The following DIP2C variants were observed in gnomAD, a reference collection of about 807,000 sequenced individuals.
DIP2C encodes disco-interacting protein 2 homolog C.
A neutral mutation model predicts 192.4 loss-of-function variants in DIP2C; 33 were observed. The observed-to-expected ratio is 0.17, with a 90% CI of 0.13 to 0.23. The LOEUF (loss-of-function observed/expected upper bound fraction) is 0.23. Ranked by LOEUF, DIP2C falls within the 10% of genes least tolerant of loss-of-function variation. The pLI is 1.00. For missense variants in DIP2C, 1,537 were observed against 2,110.1 expected, an observed-to-expected ratio of 0.73 and a Z score of 5.32; for synonymous variants, 979 against 864.1, an observed-to-expected ratio of 1.13 and a Z score of -2.33.
At chr10:483,328 A>G (rs1843747018) in intron 2 of DIP2C, among the ~76,000 whole-genome samples, 2 of 152,266 alleles carry the variant, frequency 1.3e-5, no homozygotes, top group African/African-American at 4.8e-5. Context: ...GATCCTGCAC[A>G]AAGGAAGTCA....
At chr10:542,200 C>T (rs1204271108) in intron 1 of DIP2C, among the ~76,000 whole-genome samples, 5 of 152,228 alleles carry the variant, frequency 3.3e-5, no homozygotes, top group African/African-American at 1.2e-4. Context: ...TGAGCTCCTT[C>T]TGCTCCCTGC....
At chr10:454,734 T>C (rs1480515111) in intron 3 of DIP2C, among the ~76,000 whole-genome samples, 2 of 151,598 alleles carry the variant, frequency 1.3e-5, no homozygotes, top group Non-Finnish European at 2.9e-5. Context: ...GAGAAAGAGG[T>C]AGTATACAAA....
Position 581,449 on chromosome 10 carries a change from T to TCTAA in DIP2C, c.86-94920_86-94919insTTAG, listed in dbSNP as rs1263954448. Among the ~76,000 whole-genome samples, 92 of 152,222 alleles carry TCTAA rather than the reference T, an allele frequency of 6.0e-4. No homozygotes were observed. In the East Asian group the frequency reaches 0.013, roughly 21 times the overall value. On this transcript the variant is annotated intron_variant, in intron 1 of 36. Coordinates refer to ENST00000280886, the MANE Select transcript of DIP2C (RefSeq NM_014974.3). ...AGCTGTCAAAGGTGCTAATCAAAAA[T>TCTAA]GTACTTAGAGGTTTTTTTTAAAGTT...
At chr10:588,669 G>T (rs1356914985) in intron 1 of DIP2C, among the ~76,000 whole-genome samples, 1 of 152,236 alleles carries the variant, frequency 6.6e-6, no homozygotes, top group Non-Finnish European at 1.5e-5. Context: ...CTGCTGTGCT[G>T]ACAGTCGTGA....
At chr10:446,671 C>T (rs1013697563) in intron 3 of DIP2C, among the ~76,000 whole-genome samples, 12 of 152,308 alleles carry the variant, frequency 7.9e-5, no homozygotes, top group Admixed American at 3.9e-4. Flanking sequence ...GGGCAGAGCG[C>T]CCCGGCTGCC....
At chr10:488,490 C>G (rs1328335988) in intron 1 of DIP2C, among the ~76,000 whole-genome samples, 1 of 152,202 alleles carries the variant, frequency 6.6e-6, no homozygotes, top group East Asian at 1.9e-4. Context: ...CTCTGTCCAG[C>G]TCCAAAACCA....
At chr10:333,712 T>C (rs894158302) in intron 29 of DIP2C, among the ~76,000 whole-genome samples, 1 of 152,242 alleles carries the variant, frequency 6.6e-6, no homozygotes, top group African/African-American at 2.4e-5. Flanking sequence ...CTTCCCCATT[T>C]TACATTCCCA....
intron 31 of DIP2C, among the ~76,000 whole-genome samples, chr10:313,135 T>C (rs1296293616): frequency 6.6e-6 from 1 of 152,184 alleles, no homozygotes; most frequent in Non-Finnish European, 1.5e-5. Flanking sequence ...AATTTCAAGA[T>C]ACATATTGAG....
At chr10:429,175 A>T (rs990205219) in intron 4 of DIP2C, among the ~76,000 whole-genome samples, 1 of 151,780 alleles carries the variant, frequency 6.6e-6, no homozygotes, top group Non-Finnish European at 1.5e-5. Context: ...GCTACTAAAA[A>T]ATCCTCCTGC....
intron 24 of DIP2C, among the ~76,000 whole-genome samples, chr10:352,791 C>T (rs1456267214): frequency 6.6e-6 from 1 of 152,200 alleles, no homozygotes; most frequent in Non-Finnish European, 1.5e-5. Flanking sequence ...CCTTTCCCCA[C>T]CCCGTGTGGT....
Position 441,054 on chromosome 10 carries a change from G to A in DIP2C, c.269-58C>T, listed in dbSNP as rs1220275254. 8 of 1,562,002 alleles carry A rather than the reference G, an allele frequency of 5.1e-6. No homozygotes were observed. In the East Asian group the frequency reaches 1.1e-4, roughly 22 times the overall value. On this transcript the variant is annotated intron_variant, in intron 3 of 36. Coordinates refer to ENST00000280886, the MANE Select transcript of DIP2C (RefSeq NM_014974.3). ...CAGCTGAGGTCCCAGAGGCCAAGCT[G>A]CACCCTCCTCTCTGTCCCTGCAGCA...
intron 6 of DIP2C, among the ~76,000 whole-genome samples, chr10:418,319 TCCA>T (rs1965938497): frequency 6.7e-6 from 1 of 149,040 alleles, no homozygotes; most frequent in Non-Finnish European, 1.5e-5. Context: ...GGCCTCCCTG[TCCA>T]CTGTGCCTGT....
At chr10:643,402 T>C (rs1855300689) in intron 1 of DIP2C, among the ~76,000 whole-genome samples, 1 of 150,106 alleles carries the variant, frequency 6.7e-6, no homozygotes, top group Admixed American at 6.7e-5. Context: ...TAGTCCCAGC[T>C]ACTGGGGAGG....
intron 1 of DIP2C, among the ~76,000 whole-genome samples, chr10:617,797 C>G (rs1853576780): frequency 6.6e-6 from 1 of 152,110 alleles, no homozygotes. Flanking sequence ...CCCAGCTCCA[C>G]CATCCAGGCT....
chr10:392,816 GCACACA>G lies in DIP2C; in HGVS notation c.1261-1959_1261-1954del, dbSNP rs141409070. 3.5e-3 allele frequency among the ~76,000 whole-genome samples: 524 copies of G among 148,342 alleles called. 2 individuals are homozygous for G. Among genetic ancestry groups the G allele is most frequent in the Non-Finnish European group, 6.0e-3 (406 of 67,312 alleles). On this transcript the variant is annotated intron_variant, in intron 10 of 36. Coordinates refer to ENST00000280886, the MANE Select transcript of DIP2C (RefSeq NM_014974.3). Reference sequence around the variant, plus strand: ...ACACACGCGGATGCGCACACTCAGCGCACACACACACACACGCCCACGCACACACAC... The same window carrying G: ...ACACACGCGGATGCGCACACTCAGCGCACACACACGCCCACGCACACACAC...
At chr10:659,926 G>A (rs976277489) in intron 1 of DIP2C, among the ~76,000 whole-genome samples, 5 of 152,190 alleles carry the variant, frequency 3.3e-5, no homozygotes, top group African/African-American at 1.2e-4. Flanking sequence ...AATCATAGTT[G>A]TCAAAATGGA....
chr10:464,184 A>C (rs1189401179), intron 3 of DIP2C, among the ~76,000 whole-genome samples: 1 of 152,204 alleles, frequency 6.6e-6, no homozygotes, highest in Non-Finnish European at 1.5e-5. Context: ...ACAGCAAAAT[A>C]AACTACCATC....
chr10:531,986 C>T (rs565717700), intron 1 of DIP2C, among the ~76,000 whole-genome samples: 4 of 152,264 alleles, frequency 2.6e-5, no homozygotes, highest in African/African-American at 9.6e-5. Flanking sequence ...GGGTACCAAC[C>T]GGCTCCAAAA....
intron 1 of DIP2C, among the ~76,000 whole-genome samples, chr10:550,700 A>G (rs1297509634): frequency 6.6e-6 from 1 of 152,168 alleles, no homozygotes; most frequent in Non-Finnish European, 1.5e-5. Context: ...AGAAAAAAAA[A>G]TGAATCCCTA....
Sources: allele counts gnomAD v4.1 joint callset (sites outside exome capture counted in the v4.1 genomes callset), GRCh38; gene constraint gnomAD v4.1.1; transcripts MANE v1.5; gene names NCBI Gene and HGNC (gene_info 2026-07-23, HGNC 2026-07-21).